AIG1: variants seen among roughly 807,000 people sequenced by gnomAD.
AIG1 encodes androgen-induced gene 1 protein.
A neutral mutation model predicts 31.4 loss-of-function variants in AIG1; 23 were observed. The observed-to-expected ratio is 0.73, with a 90% confidence interval of 0.53 to 1.04. The LOEUF (loss-of-function observed/expected upper bound fraction) is 1.04. AIG1 is among the 50% of genes least tolerant of loss of function. The probability of loss-of-function intolerance (pLI) is 0.00; values close to 1 mark genes in which losing one functional copy is unlikely to be tolerated. For missense variants in AIG1, 274 were observed against 295.0 expected (o/e 0.93, Z 0.52); for synonymous variants, 100 against 110.5 (o/e 0.90, Z 0.60).
chr6:143,267,335 T>A (rs1023345216), intron 3 of AIG1, among the ~76,000 whole-genome samples: 2 of 152,226 alleles, frequency 1.3e-5, no homozygotes, highest in African/African-American at 4.8e-5. Context: ...TTGATCATAT[T>A]CACCCACTTA....
intron 3 of AIG1, among the ~76,000 whole-genome samples, chr6:143,269,408 C>T (rs569622531): frequency 6.6e-6 from 1 of 152,318 alleles, no homozygotes; most frequent in South Asian, 2.1e-4. Flanking sequence ...CTCTTTGACT[C>T]TGTCTGTTAA....
Position 143,216,282 on chromosome 6 carries a change from G to A in AIG1, c.399+51099G>A, listed in dbSNP as rs886179984. ...GATTATTAAGACCGGATGATCGAGG[G>A]CTTTTCTAAGTTTCTCAGTTCCATT... On this transcript the variant is annotated intron_variant, in intron 3 of 5. Coordinates refer to ENST00000357847, the MANE Select transcript of AIG1 (RefSeq NM_016108.4). 3.3e-5 allele frequency among the ~76,000 whole-genome samples: 5 copies of A among 152,110 alleles called. 1 individual carries two copies. Among genetic ancestry groups the A allele is most frequent in the Admixed American group, 3.3e-4 (5 of 15,274 alleles).
chr6:143,101,408 A>C (rs375003708), intron 1 of AIG1, among the ~76,000 whole-genome samples: 25 of 152,294 alleles, frequency 1.6e-4, no homozygotes, highest in African/African-American at 4.8e-4. Flanking sequence ...ATTTCCAAGG[A>C]ATTATTGGTT....
At chr6:143,266,366 G>T (rs9403475) in intron 3 of AIG1, among the ~76,000 whole-genome samples, 14,392 of 98,724 alleles carry the variant, frequency 0.15, 767 homozygotes, top group South Asian at 0.26. Flanking sequence ...AAAAAAAAAA[G>T]AATAATAATA....
Position 143,291,294 on chromosome 6 carries a change from C to T in AIG1, c.515+7069C>T, listed in dbSNP as rs994874692. Among the ~76,000 whole-genome samples, 5 of 151,976 alleles carry T rather than the reference C, an allele frequency of 3.3e-5. No homozygotes were observed. The highest frequency in any genetic ancestry group is 7.4e-5 in the Non-Finnish European group (5 of 67,998). ...TTGAGCTGTCTTGATGGTGGCCCAC[C>T]CAAGAAAGAATGGCTCCTGGGCAAG... is the stretch of plus-strand genomic sequence containing the variant. On this transcript the variant is annotated intron_variant, in intron 4 of 5. Coordinates refer to ENST00000357847, the MANE Select transcript of AIG1 (RefSeq NM_016108.4). This position sits in a 1 kb window ranked among gnomAD's most constrained non-coding sequence, Gnocchi z 4.2.
intron 1 of AIG1, among the ~76,000 whole-genome samples, chr6:143,134,779 A>T (rs1240253329): frequency 1.3e-5 from 2 of 152,050 alleles, no homozygotes; most frequent in African/African-American, 4.8e-5. Flanking sequence ...TCTGTTTTTC[A>T]TGTTCAGCAC....
chr6:143,168,865 A>G (rs1490138340), intron 3 of AIG1, among the ~76,000 whole-genome samples: 1 of 152,130 alleles, frequency 6.6e-6, no homozygotes, highest in Non-Finnish European at 1.5e-5. Context: ...TTCAAATTGC[A>G]TAAATTTTGA....
intron 1 of AIG1, among the ~76,000 whole-genome samples, chr6:143,079,115 A>G (rs1005034984): frequency 1.3e-5 from 2 of 152,176 alleles, no homozygotes; most frequent in African/African-American, 4.8e-5. Context: ...AACAAAACAA[A>G]ACAAAACGTA....
rs1278033906 is a variant in AIG1 at position 143,279,640 on chromosome 6, GGTCAGTTCACAGCCTCCATGGCAGTGGA to G, written c.400-4459_400-4432del. ...AAATAGACCTTTGTCACGGGAGGCT[GGTCAGTTCACAGCCTCCATGGCAGTGGA>G]GTCAGTTCACTCCGCTCCATCACGG... On this transcript the variant is annotated intron_variant, in intron 3 of 5. Transcript: ENST00000357847. This position sits in a 1 kb window ranked among gnomAD's most constrained non-coding sequence, Gnocchi z 5.4. 1.3e-5 allele frequency among the ~76,000 whole-genome samples: 2 copies of G among 152,138 alleles called. No homozygotes were observed. Among genetic ancestry groups the G allele is most frequent in the Non-Finnish European group, 2.9e-5 (2 of 68,040 alleles).
chr6:143,222,389 T>G (rs557270850), intron 3 of AIG1, among the ~76,000 whole-genome samples: 12 of 87,222 alleles, frequency 1.4e-4, no homozygotes, highest in Admixed American at 9.6e-4. Context: ...TAGTATCTGG[T>G]TTTTTTTTTG....
At position 143,288,585 on chromosome 6, in the gene AIG1, A is replaced by C. The variant is rs1452221407; in HGVS notation, c.515+4360A>C. ...TCCATATTCCAAATCTCATTTCCCC[A>C]AATGTGTTCACTGAATAACTTTCCA... is the stretch of plus-strand genomic sequence containing the variant. On this transcript the variant is annotated intron_variant, in intron 4 of 5. Coordinates refer to ENST00000357847, the MANE Select transcript of AIG1 (RefSeq NM_016108.4). The surrounding 1 kb of genome is among the most constrained non-coding windows in gnomAD (Gnocchi z 4.4). 6.6e-6 allele frequency among the ~76,000 whole-genome samples: 1 copy of C among 152,230 alleles called. No homozygotes were observed. The highest frequency in any genetic ancestry group is 1.5e-5 in the Non-Finnish European group (1 of 68,042).
At chr6:143,155,977 G>T (rs1033088126) in intron 2 of AIG1, among the ~76,000 whole-genome samples, 13 of 152,284 alleles carry the variant, frequency 8.5e-5, no homozygotes, top group African/African-American at 2.9e-4. Context: ...TGGCCAAGAG[G>T]CTACTGCAGG....
intron 3 of AIG1, among the ~76,000 whole-genome samples, chr6:143,232,917 CT>C (rs1450336336): frequency 6.6e-6 from 1 of 152,158 alleles, no homozygotes; most frequent in Non-Finnish European, 1.5e-5. Flanking sequence ...AAGCGATGTC[CT>C]TTCAGAGTCA....
rs1776585035 is a variant in AIG1 at position 143,326,057 on chromosome 6, A to C, written c.516-7225A>C. On this transcript the variant is annotated intron_variant, in intron 4 of 5. Coordinates refer to ENST00000357847, the MANE Select transcript of AIG1 (RefSeq NM_016108.4). The surrounding 1 kb of genome is among the most constrained non-coding windows in gnomAD (Gnocchi z 4.5). ...CAACAGTTTGATAGACACTGGTCTAAGTGTTCTTAAATCTTTCAGCTAATT... is the reference window on the plus strand; with the variant it reads ...CAACAGTTTGATAGACACTGGTCTACGTGTTCTTAAATCTTTCAGCTAATT... Among the ~76,000 whole-genome samples the C allele has an allele frequency of 6.6e-6, 1 of 152,234 alleles. No individual in the cohort carries two copies. Among genetic ancestry groups the C allele is most frequent in the South Asian group, 2.1e-4 (1 of 4,828 alleles).
At chr6:143,313,915 C>T (rs188926105) in intron 4 of AIG1, among the ~76,000 whole-genome samples, 72 of 151,952 alleles carry the variant, frequency 4.7e-4, no homozygotes, top group African/African-American at 1.6e-3. Context: ...AACTAAGAAG[C>T]TTGATACTTG....
chr6:143,075,671 TTAAC>T (rs751638821), intron 1 of AIG1, among the ~76,000 whole-genome samples: 3 of 152,218 alleles, frequency 2.0e-5, no homozygotes, highest in African/African-American at 4.8e-5. Flanking sequence ...TTGTTCTTCT[TTAAC>T]TAATTTCTTA....
At chr6:143,187,956 T>C in intron 3 of AIG1, 2 of 1,230,024 alleles carry the variant, frequency 1.6e-6, no homozygotes, top group Non-Finnish European at 2.0e-6. Flanking sequence ...CTCTTGATTT[T>C]ATTAGTTGCA....
chr6:143,259,088 C>T (rs1349935322), intron 3 of AIG1, among the ~76,000 whole-genome samples: 1 of 152,176 alleles, frequency 6.6e-6, no homozygotes, highest in Non-Finnish European at 1.5e-5. Context: ...TTCATGTGAT[C>T]TCTTTGCACA....
At chr6:143,301,641 G>A (rs887161131) in intron 4 of AIG1, among the ~76,000 whole-genome samples, 1 of 152,124 alleles carries the variant, frequency 6.6e-6, no homozygotes, top group Non-Finnish European at 1.5e-5. Context: ...GTGTGGAGAA[G>A]GCCCTTTATA....
Sources: allele counts gnomAD v4.1 joint callset (sites outside exome capture counted in the v4.1 genomes callset), GRCh38; gene constraint gnomAD v4.1.1; non-coding constraint Gnocchi (gnomAD v3.1); transcripts MANE v1.5; gene names NCBI Gene and HGNC (gene_info 2026-07-23, HGNC 2026-07-21).